The following FBXO8 variants were observed in gnomAD, a reference collection of about 807,000 sequenced individuals.
FBXO8 encodes F-box only protein 8.
In FBXO8, 15 loss-of-function variants were observed where a neutral mutation model predicts 33.4. The observed-to-expected ratio is 0.45, with a 90% CI of 0.30 to 0.69. The LOEUF (loss-of-function observed/expected upper bound fraction) is 0.69. Among genes scored for constraint, FBXO8 ranks in the 30% least tolerant of loss-of-function variants. FBXO8 has a pLI of 0.08. For missense variants in FBXO8, 274 were observed against 380.3 expected, an observed-to-expected ratio of 0.72 and a Z score of 2.32; for synonymous variants, 132 against 131.5, an observed-to-expected ratio of 1.00 and a Z score of -0.02.
Position 174,252,033 on chromosome 4 carries a change from A to C in FBXO8, c.456+7666T>G, listed in dbSNP as rs1458027489. Reference sequence around the variant, plus strand: ...ACTCAGGCTGGAGTGCAGTGGCATGATCATGGCTCACTGAAGCCTCAACTT... The same window carrying C: ...ACTCAGGCTGGAGTGCAGTGGCATGCTCATGGCTCACTGAAGCCTCAACTT... On this transcript the variant is annotated intron_variant, in intron 3 of 5. Coordinates refer to ENST00000393674, the MANE Select transcript of FBXO8 (RefSeq NM_012180.3). This position sits in a 1 kb window ranked among gnomAD's most constrained non-coding sequence, Gnocchi z 5.1. Among the ~76,000 whole-genome samples the C allele has an allele frequency of 5.3e-5, 8 of 152,146 alleles. No individual in the cohort carries two copies. Among genetic ancestry groups the C allele is most frequent in the Admixed American group, 6.6e-5 (1 of 15,266 alleles).
intron 1 of FBXO8, among the ~76,000 whole-genome samples, chr4:174,271,019 T>C (rs912369828): frequency 2.0e-5 from 3 of 152,230 alleles, no homozygotes; most frequent in African/African-American, 7.2e-5. Context: ...CAATCTTTTA[T>C]GGAACTTTTT....
intron 1 of FBXO8, among the ~76,000 whole-genome samples, chr4:174,271,318 G>A (rs538070327): frequency 4.5e-4 from 69 of 152,048 alleles, no homozygotes; most frequent in Non-Finnish European, 8.8e-4. Flanking sequence ...AAGAGGCTTG[G>A]GAGTCCAAAA....
At chr4:174,242,953 AT>A (rs1736073853) in intron 3 of FBXO8, among the ~76,000 whole-genome samples, 2 of 151,618 alleles carry the variant, frequency 1.3e-5, no homozygotes, top group Admixed American at 1.3e-4. Context: ...TTCTTTATTC[AT>A]ACCTAAATCA....
rs772640188 is a variant in FBXO8 at position 174,255,590 on chromosome 4, T to TA, written c.456+4108dup. 4.2e-3 allele frequency among the ~76,000 whole-genome samples: 612 copies of TA among 145,006 alleles called. 1 individual carries two copies. Among genetic ancestry groups the TA allele is most frequent in the Non-Finnish European group, 4.4e-3 (291 of 65,602 alleles). On this transcript the variant is annotated intron_variant, in intron 3 of 5. Transcript: ENST00000393674. This position sits in a 1 kb window ranked among gnomAD's most constrained non-coding sequence, Gnocchi z 4.3. ...CAGAAAAATGTGCTTACATAGTCAT[T>TA]AAAAAAAAAAACTTGTTATCTGACC...
At chr4:174,242,154 A>G (rs537439270) in intron 3 of FBXO8, among the ~76,000 whole-genome samples, 32 of 151,738 alleles carry the variant, frequency 2.1e-4, no homozygotes, top group African/African-American at 7.5e-4. Flanking sequence ...CTAGCACACT[A>G]TGTGCCGTTA....
At position 174,281,674 on chromosome 4, in the gene FBXO8, A is replaced by G. The variant is rs982587641; in HGVS notation, c.-9+1736T>C. Among the ~76,000 whole-genome samples, 10 of 152,332 alleles carry G rather than the reference A, an allele frequency of 6.6e-5. No individual in the cohort carries two copies. In the South Asian group the frequency reaches 2.1e-3, roughly 32 times the overall value. On this transcript the variant is annotated intron_variant, in intron 1 of 5. Transcript: ENST00000393674. This position sits in a 1 kb window ranked among gnomAD's most constrained non-coding sequence, Gnocchi z 4.6. The stretch of plus-strand genomic sequence containing the variant: ...ACCACTGCACTCCAGCCTGGGCAAC[A>G]GAATAAAAATCTGTCTCAAAAAAAT...
chr4:174,268,608 T>C (rs1225403446), intron 1 of FBXO8, among the ~76,000 whole-genome samples: 1 of 35,628 alleles, frequency 2.8e-5, no homozygotes, highest in Non-Finnish European at 1.4e-4. Flanking sequence ...GCTAATTTTT[T>C]GTATTTTTTA....
rs749798277 is a variant in FBXO8, at chr4:174,254,734, GGTTT to G, written c.456+4961_456+4964del. On this transcript the variant is annotated intron_variant, in intron 3 of 5. Transcript: ENST00000393674. This position sits in a 1 kb window ranked among gnomAD's most constrained non-coding sequence, Gnocchi z 4.2. ...TGTCAAGACTCAATTCAACTCTCAGGGTTTGTTTGTTTGTTTGTTTTGTAGTAAG... is the reference window on the plus strand; with the variant it reads ...TGTCAAGACTCAATTCAACTCTCAGGGTTTGTTTGTTTGTTTTGTAGTAAG... Among the ~76,000 whole-genome samples the G allele has an allele frequency of 1.3e-5, 2 of 151,916 alleles. No individual in the cohort carries two copies. The highest frequency in any genetic ancestry group is 2.9e-5 in the Non-Finnish European group (2 of 67,948).
Position 174,274,789 on chromosome 4 carries a change from T to C in FBXO8, c.-9+8621A>G, listed in dbSNP as rs1736921459. Among the ~76,000 whole-genome samples the C allele has an allele frequency of 6.6e-6, 1 of 152,158 alleles. No homozygotes were observed. The highest frequency in any genetic ancestry group is 2.1e-4 in the South Asian group (1 of 4,828). On this transcript the variant is annotated intron_variant, in intron 1 of 5. Coordinates refer to ENST00000393674, the MANE Select transcript of FBXO8 (RefSeq NM_012180.3). This position sits in a 1 kb window ranked among gnomAD's most constrained non-coding sequence, Gnocchi z 4.0. ...AACCTTGACCTAAACCTTACACCTTTTACAAAAATTAACTCAAAATGGACC... is the reference window on the plus strand; with the variant it reads ...AACCTTGACCTAAACCTTACACCTTCTACAAAAATTAACTCAAAATGGACC...
At position 174,274,676 on chromosome 4, in the gene FBXO8, G is replaced by C. The variant is rs916773770; in HGVS notation, c.-9+8734C>G. On this transcript the variant is annotated intron_variant, in intron 1 of 5. Transcript: ENST00000393674. This position sits in a 1 kb window ranked among gnomAD's most constrained non-coding sequence, Gnocchi z 4.0. ...ATGAATAAACCCAGTATCAAACACA[G>C]TGCCTTGGCATATAAAGTGCTCAGA... is the stretch of plus-strand genomic sequence containing the variant. 6.6e-6 allele frequency among the ~76,000 whole-genome samples: 1 copy of C among 152,170 alleles called. No homozygotes were observed. Among genetic ancestry groups the C allele is most frequent in the African/African-American group, 2.4e-5 (1 of 41,446 alleles).
At chr4:174,280,597 A>G (rs1278573636) in intron 1 of FBXO8, among the ~76,000 whole-genome samples, 1 of 152,178 alleles carries the variant, frequency 6.6e-6, no homozygotes, top group East Asian at 1.9e-4. Context: ...GGTGTCCAAT[A>G]ACAGATGAAT....
rs1736185243 is a variant in FBXO8 at position 174,247,421 on chromosome 4, T to C, written c.457-6203A>G. On this transcript the variant is annotated intron_variant, in intron 3 of 5. Transcript: ENST00000393674. This position sits in a 1 kb window ranked among gnomAD's most constrained non-coding sequence, Gnocchi z 4.6. The stretch of plus-strand genomic sequence containing the variant: ...AAAATCTAGTACAATGGCCACTACT[T>C]TTCAGGTCATCAAACTGCCCTTAGA... Among the ~76,000 whole-genome samples the C allele has an allele frequency of 6.6e-6, 1 of 151,732 alleles. No homozygotes were observed. The highest frequency in any genetic ancestry group is 1.5e-5 in the Non-Finnish European group (1 of 67,880).
rs1736294935 is a variant in FBXO8 at position 174,251,942 on chromosome 4, G to A, written c.456+7757C>T. 6.6e-6 allele frequency among the ~76,000 whole-genome samples: 1 copy of A among 152,040 alleles called. No homozygotes were observed. Among genetic ancestry groups the A allele is most frequent in the African/African-American group, 2.4e-5 (1 of 41,378 alleles). ...TGATTAAATTCCCTTCAGCAAATTT[G>A]GAGATAAATTGATCTGCTACTGAGA... On this transcript the variant is annotated intron_variant, in intron 3 of 5. Coordinates refer to ENST00000393674, the MANE Select transcript of FBXO8 (RefSeq NM_012180.3). The surrounding 1 kb of genome is among the most constrained non-coding windows in gnomAD (Gnocchi z 4.2).
intron 1 of FBXO8, among the ~76,000 whole-genome samples, chr4:174,268,265 C>A (rs1358107855): frequency 6.6e-6 from 1 of 152,148 alleles, no homozygotes; most frequent in Non-Finnish European, 1.5e-5. Flanking sequence ...TGCTGAAAGA[C>A]ATTTAATACA....
rs972311337 is a variant in FBXO8, at chr4:174,254,276, G to A, written c.456+5423C>T. Among the ~76,000 whole-genome samples, 11 of 152,288 alleles carry A rather than the reference G, an allele frequency of 7.2e-5. No homozygotes were observed. In the South Asian group the frequency reaches 1.9e-3, roughly 26 times the overall value. On this transcript the variant is annotated intron_variant, in intron 3 of 5. Coordinates refer to ENST00000393674, the MANE Select transcript of FBXO8 (RefSeq NM_012180.3). The surrounding 1 kb of genome is among the most constrained non-coding windows in gnomAD (Gnocchi z 4.2). ...TGCTATCTGGCATTGTTTGAAGTAT[G>A]TGTGTCTTACTGTCAACTTGGTTCA...
At position 174,255,965 on chromosome 4, in the gene FBXO8, C is replaced by T. The variant is rs1419003743; in HGVS notation, c.456+3734G>A. The T allele has an allele frequency of 2.6e-5, 9 of 348,778 alleles. No homozygotes were observed. The highest frequency in any genetic ancestry group is 1.2e-4 in the South Asian group (5 of 42,304). 21.6% of individuals were successfully genotyped at this position (348,778 alleles called of 1,614,324 possible). On this transcript the variant is annotated intron_variant, in intron 3 of 5. Coordinates refer to ENST00000393674, the MANE Select transcript of FBXO8 (RefSeq NM_012180.3). This position sits in a 1 kb window ranked among gnomAD's most constrained non-coding sequence, Gnocchi z 4.3. ...CACAAGCTCATGCACAAGATCAAGACGTTACATACAGCTGAGATCACAATG... is the reference window on the plus strand; with the variant it reads ...CACAAGCTCATGCACAAGATCAAGATGTTACATACAGCTGAGATCACAATG...
In FBXO8 at chr4:174,277,425, T is replaced by C. The variant is rs995991163; in HGVS notation, c.-9+5985A>G. 6.6e-6 allele frequency among the ~76,000 whole-genome samples: 1 copy of C among 152,182 alleles called. No individual in the cohort carries two copies. The highest frequency in any genetic ancestry group is 2.4e-5 in the African/African-American group (1 of 41,456). ...TTAAGAAAAAGGTAACTACTGCTTA[T>C]AATTTCATGGCACTAAGCACTCAAA... is the stretch of plus-strand genomic sequence containing the variant. On this transcript the variant is annotated intron_variant, in intron 1 of 5. Coordinates refer to ENST00000393674, the MANE Select transcript of FBXO8 (RefSeq NM_012180.3). The surrounding 1 kb of genome is among the most constrained non-coding windows in gnomAD (Gnocchi z 4.9).
chr4:174,271,068 T>C (rs988623539), intron 1 of FBXO8, among the ~76,000 whole-genome samples: 29 of 152,092 alleles, frequency 1.9e-4, no homozygotes, highest in African/African-American at 6.0e-4. Flanking sequence ...TCTTGTAAGA[T>C]GGAGCACATA....
intron 1 of FBXO8, among the ~76,000 whole-genome samples, chr4:174,280,326 A>C (rs7692518): frequency 0.1 from 15,766 of 152,134 alleles, 881 homozygotes; most frequent in Middle Eastern, 0.12. Flanking sequence ...CTATCGAAAA[A>C]AAAATAAGTC....
Sources: allele counts gnomAD v4.1 joint callset (sites outside exome capture counted in the v4.1 genomes callset), GRCh38; gene constraint gnomAD v4.1.1; non-coding constraint Gnocchi (gnomAD v3.1); transcripts MANE v1.5; gene names NCBI Gene and HGNC (gene_info 2026-07-23, HGNC 2026-07-21).